Variants in CCDC92B observed in about 807,000 individuals in gnomAD.
The protein encoded by CCDC92B is coiled-coil domain containing 92B, also known as coiled-coil domain-containing 92B.
In CCDC92B, 2 loss-of-function variants were observed where a neutral mutation model predicts 5.6. The observed-to-expected ratio is 0.36, with a 90% CI of 0.15 to 1.12. CCDC92B has a LOEUF of 1.12. Among genes scored for constraint, CCDC92B ranks in the 50% most tolerant of loss-of-function variants. CCDC92B has a pLI of 0.40. For missense variants in CCDC92B, 271 were observed against 262.2 expected, an observed-to-expected ratio of 1.03 and a Z score of -0.23; for synonymous variants, 115 against 122.3, an observed-to-expected ratio of 0.94 and a Z score of 0.39.
At chr17:2,727,929 G>A (rs1356960062) in intron 3 of CCDC92B, among the ~76,000 whole-genome samples, 2 of 151,966 alleles carry the variant, frequency 1.3e-5, no homozygotes, top group East Asian at 1.9e-4. Flanking sequence ...GATCTCTTGA[G>A]CCCAGGAGTA....
chr17:2,739,203 T>TA (rs1410398372), intron 1 of CCDC92B, among the ~76,000 whole-genome samples: 3 of 147,582 alleles, frequency 2.0e-5, no homozygotes, highest in African/African-American at 5.1e-5. Context: ...CCATCTCTAC[T>TA]AAAAATACAA....
At chr17:2,742,580 A>G (rs2070936729) in intron 1 of CCDC92B, among the ~76,000 whole-genome samples, 1 of 152,192 alleles carries the variant, frequency 6.6e-6, no homozygotes, top group Non-Finnish European at 1.5e-5. Flanking sequence ...CATATTTGCT[A>G]GATCTTTCCC....
At chr17:2,726,842 T>C (rs992946430) in intron 3 of CCDC92B, among the ~76,000 whole-genome samples, 1 of 151,590 alleles carries the variant, frequency 6.6e-6, no homozygotes, top group African/African-American at 2.4e-5. Context: ...CTCAAACTCC[T>C]GACCTTGTGA....
intron 1 of CCDC92B, among the ~76,000 whole-genome samples, chr17:2,744,437 G>A (rs1233612583): frequency 6.6e-6 from 1 of 151,508 alleles, no homozygotes; most frequent in Admixed American, 6.6e-5. Context: ...GCAGTCTTCC[G>A]GCTTTGGCAT....
intron 1 of CCDC92B, among the ~76,000 whole-genome samples, chr17:2,738,905 T>C (rs561260814): frequency 6.4e-4 from 95 of 149,314 alleles, no homozygotes; most frequent in Admixed American, 1.1e-3. Flanking sequence ...ACCCTGTCTG[T>C]ACTAAAAATA....
chr17:2,724,379 T>G lies in CCDC92B; in HGVS notation c.*32A>C, dbSNP rs1450933872. 8 of 984,794 alleles carry G rather than the reference T, an allele frequency of 8.1e-6. No homozygotes were observed. The highest frequency in any genetic ancestry group is 9.6e-6 in the Non-Finnish European group (8 of 829,796). 61.0% of individuals were successfully genotyped at this position (984,794 alleles called of 1,614,324 possible). On this transcript the variant is annotated 3_prime_UTR_variant, in exon 4 of 4. Transcript: ENST00000614400. This position sits in a 1 kb window ranked among gnomAD's most constrained non-coding sequence, Gnocchi z 5.0. ...CTGCGTCCCTGGCCGGCCCTCCCCG[T>G]CCGTCCCGCGTCACCCCGGCCAGCC...
chr17:2,737,616 C>CACCT (rs1567616144), intron 1 of CCDC92B, among the ~76,000 whole-genome samples: 345 of 151,512 alleles, frequency 2.3e-3, no homozygotes, highest in African/African-American at 8.0e-3. Flanking sequence ...GGACTACAGG[C>CACCT]GCCCACCACC....
At chr17:2,748,052 C>T (rs772532958) in intron 1 of CCDC92B, 2 of 509,608 alleles carry the variant, frequency 3.9e-6, no homozygotes, top group Admixed American at 2.1e-5. Flanking sequence ...TAGAAGCACC[C>T]CACTGGGTGC....
intron 1 of CCDC92B, among the ~76,000 whole-genome samples, chr17:2,742,540 T>A (rs960794548): frequency 6.6e-6 from 1 of 152,088 alleles, no homozygotes; most frequent in Non-Finnish European, 1.5e-5. Flanking sequence ...TATCTCCAGT[T>A]TTCCAGCTTA....
rs2070705136 is a variant in CCDC92B at position 2,724,772 on chromosome 17, G to T, written c.407C>A (p.Ala136Glu). The T allele has an allele frequency of 1.0e-6, 1 of 983,962 alleles. No homozygotes were observed. The highest frequency in any genetic ancestry group is 4.7e-5 in the South Asian group (1 of 21,408). The allele number at this position is 983,962 out of a possible 1,614,324, so 61.0% of individuals were successfully genotyped here. ...CAGCTGGCAGGAGAGGTAGGCGGCC[G>T]CCTCGGTGTGCTTCTGCAGCTCGGT... ...LGTELQKHTEAAAYLSCQLHA... is the reference protein window; with the variant it reads ...LGTELQKHTEEAAYLSCQLHA... The change falls in exon 4 of 4, where the codon GCG becomes GAG. Residue 136 changes from alanine to glutamate, a missense_variant. Ala to Glu is a moderately radical substitution (Grantham distance 107). Coordinates refer to ENST00000614400, the MANE Select transcript of CCDC92B (RefSeq NM_001355573.2). This position sits in a 1 kb window ranked among gnomAD's most constrained non-coding sequence, Gnocchi z 5.0.
intron 2 of CCDC92B, among the ~76,000 whole-genome samples, chr17:2,731,385 A>C (rs1044999325): frequency 6.6e-5 from 10 of 152,140 alleles, no homozygotes; most frequent in Admixed American, 4.6e-4. Flanking sequence ...GTACAAGGGC[A>C]GAAGGAAGCC....
intron 1 of CCDC92B, among the ~76,000 whole-genome samples, chr17:2,738,555 G>A (rs1216105155): frequency 2.1e-5 from 3 of 141,396 alleles, no homozygotes; most frequent in East Asian, 2.2e-4. Context: ...GGCGGATCAC[G>A]AGGTCGGGAG....
Position 2,722,932 on chromosome 17 carries a change from T to G in CCDC92B, c.*1479A>C, listed in dbSNP as rs1285897400. 1 of 152,492 alleles carries G rather than the reference T, an allele frequency of 6.6e-6. No homozygotes were observed. Among genetic ancestry groups the G allele is most frequent in the East Asian group, 1.9e-4 (1 of 5,196 alleles). The allele number at this position is 152,492 out of a possible 1,614,324, so 9.4% of individuals were successfully genotyped here. A position where few individuals can be genotyped will look rare whatever the true frequency, so the allele number is the denominator to read the frequency against. The stretch of plus-strand genomic sequence containing the variant: ...GGGGGAATAAGCTGCGCTGAAACTG[T>G]CCTTCCTGCCTTTGGTGGTGGACGG... On this transcript the variant is annotated 3_prime_UTR_variant, in exon 4 of 4. Coordinates refer to ENST00000614400, the MANE Select transcript of CCDC92B (RefSeq NM_001355573.2).
At chr17:2,748,989 G>A (rs1239331044) in intron 1 of CCDC92B, among the ~76,000 whole-genome samples, 2 of 152,176 alleles carry the variant, frequency 1.3e-5, no homozygotes, top group Non-Finnish European at 2.9e-5. Context: ...GGAATGGGGT[G>A]TATGGGGAAA....
chr17:2,736,579 T>C (rs2070860157), intron 1 of CCDC92B, among the ~76,000 whole-genome samples: 1 of 151,450 alleles, frequency 6.6e-6, no homozygotes, highest in South Asian at 2.1e-4. Context: ...AGATCTCGTC[T>C]CTAAAAATAT....
intron 2 of CCDC92B, among the ~76,000 whole-genome samples, chr17:2,732,047 T>C (rs1281788811): frequency 1.3e-5 from 2 of 152,228 alleles, no homozygotes; most frequent in African/African-American, 4.8e-5. Flanking sequence ...CAATAGCACC[T>C]TTCCAAGAGG....
intron 1 of CCDC92B, among the ~76,000 whole-genome samples, chr17:2,743,797 C>G (rs367546138): frequency 4.6e-5 from 7 of 152,352 alleles, no homozygotes; most frequent in African/African-American, 1.7e-4. Flanking sequence ...GCTTTTGTTA[C>G]TCTGCATTCC....
intron 1 of CCDC92B, among the ~76,000 whole-genome samples, chr17:2,749,081 G>T (rs1009050): frequency 0.047 from 7,084 of 151,720 alleles, 540 homozygotes; most frequent in African/African-American, 0.16. Context: ...GCAGGGGTTG[G>T]GGGGGGGATG....
At chr17:2,743,005 A>G (rs528934200) in intron 1 of CCDC92B, among the ~76,000 whole-genome samples, 3 of 152,244 alleles carry the variant, frequency 2.0e-5, no homozygotes, top group Non-Finnish European at 2.9e-5. Context: ...ACTTCTCACT[A>G]TCTCCATCGT....
Sources: gnomAD v4.1 joint callset for allele counts (sites outside exome capture counted in the v4.1 genomes callset) on GRCh38, gnomAD v4.1.1 for gene constraint, Gnocchi (gnomAD v3.1) non-coding constraint, MANE v1.5 for transcripts, NCBI Gene and HGNC (gene_info 2026-07-23, HGNC 2026-07-21) for gene names.